AKR1C3: variants seen among roughly 807,000 people sequenced by gnomAD.
AKR1C3 encodes the protein 3-alpha hydroxysteroid dehydrogenase, type II.
In AKR1C3, 48 loss-of-function variants were observed where a neutral mutation model predicts 43.6. That is an observed-to-expected ratio of 1.10 (90% confidence interval 0.87 to 1.40). The LOEUF (loss-of-function observed/expected upper bound fraction) is 1.40, where lower values mean the gene tolerates loss of function less well. Among genes scored for constraint, AKR1C3 ranks in the 40% most tolerant of loss-of-function variants. The probability of loss-of-function intolerance (pLI) is 0.00; values close to 1 mark genes in which losing one functional copy is unlikely to be tolerated. For missense variants in AKR1C3, 482 were observed against 391.2 expected (o/e 1.23, Z -1.96); for synonymous variants, 162 against 139.6 (o/e 1.16, Z -1.13).
chr10:5,091,193 G>A (rs534327137), upstream of AKR1C3, among the ~76,000 whole-genome samples: 10 of 151,900 alleles, frequency 6.6e-5, 1 homozygote, highest in African/African-American at 2.4e-4. Flanking sequence ...CTCTTAGGGA[G>A]AACTTAGCAG....
At chr10:5,064,627 T>C (rs1838457177) in intron 1 of AKR1C3, among the ~76,000 whole-genome samples, 1 of 152,130 alleles carries the variant, frequency 6.6e-6, no homozygotes, top group South Asian at 2.1e-4. Flanking sequence ...CCACACACTA[T>C]GCATCTGATG....
At chr10:5,083,926 T>G (rs1469084024) in intron 1 of AKR1C3, among the ~76,000 whole-genome samples, 1 of 152,190 alleles carries the variant, frequency 6.6e-6, no homozygotes, top group African/African-American at 2.4e-5. Flanking sequence ...GATGGGGTTG[T>G]TTGTTTTTTC....
At chr10:5,061,237 CT>C (rs1554780207) in intron 1 of AKR1C3, among the ~76,000 whole-genome samples, 1 of 152,108 alleles carries the variant, frequency 6.6e-6, no homozygotes, top group African/African-American at 2.4e-5. Context: ...TTTTGCAGAC[CT>C]TTTTGAGGTG....
intron 1 of AKR1C3, among the ~76,000 whole-genome samples, chr10:5,059,854 ATGG>A (rs782040389): frequency 2.5e-4 from 38 of 152,160 alleles, no homozygotes; most frequent in Non-Finnish European, 5.0e-4. Flanking sequence ...GTGTCCAGAA[ATGG>A]TGGGTTCTTG....
chr10:5,070,083 C>T (rs74112000), intron 1 of AKR1C3, among the ~76,000 whole-genome samples: 4,980 of 152,270 alleles, frequency 0.033, 280 homozygotes, highest in African/African-American at 0.11. Context: ...TGGTTGGTGA[C>T]GGTTAGGTGC....
At chr10:5,101,306 G>C (rs1044493816) in intron 5 of AKR1C3, among the ~76,000 whole-genome samples, 23 of 151,950 alleles carry the variant, frequency 1.5e-4, no homozygotes, top group African/African-American at 5.3e-4. Flanking sequence ...TAATACTTTT[G>C]TATTTAATGG....
intron 1 of AKR1C3, among the ~76,000 whole-genome samples, chr10:5,073,986 T>C (rs1435729155): frequency 6.6e-6 from 1 of 152,050 alleles, no homozygotes; most frequent in African/African-American, 2.4e-5. Context: ...CCCATTCTAT[T>C]CAAAGTCACC....
rs587621950 is a variant in AKR1C3 at position 5,103,595 on chromosome 10, TTGTC to T, written c.846+948_846+951del. Among the ~76,000 whole-genome samples the T allele has an allele frequency of 6.6e-5, 10 of 152,286 alleles. No individual in the cohort carries two copies. The East Asian group carries it at 1.5e-3, about 24-fold the overall frequency. On this transcript the variant is annotated intron_variant, in intron 7 of 8. Coordinates refer to ENST00000380554, the MANE Select transcript of AKR1C3 (RefSeq NM_003739.6). ...CTGCTTCAAGATGTCAATGGGACAT[TTGTC>T]TGGGTGCCATTTTCTCCTCCATATA...
At chr10:5,051,367 G>A (rs1441980020) in intron 1 of AKR1C3, among the ~76,000 whole-genome samples, 1 of 152,198 alleles carries the variant, frequency 6.6e-6, no homozygotes, top group Non-Finnish European at 1.5e-5. Flanking sequence ...AAAGTGCTGG[G>A]ATTACAGGCA....
intron 1 of AKR1C3, among the ~76,000 whole-genome samples, chr10:5,051,085 GTGTTT>G (rs1564350358): frequency 2.0e-5 from 3 of 152,094 alleles, no homozygotes; most frequent in African/African-American, 4.8e-5. Context: ...GACTGTGTGT[GTGTTT>G]TGTTTTGTTG....
At chr10:5,102,453 C>T in intron 6 of AKR1C3, 32 bp from the exon 7 acceptor site, 1 of 1,429,148 alleles carries the variant, frequency 7.0e-7, no homozygotes, top group East Asian at 2.3e-5. Flanking sequence ...TCGCCAGCCT[C>T]AGGGCCTCAG....
chr10:5,054,592 ACT>A (rs1441043040), intron 1 of AKR1C3, among the ~76,000 whole-genome samples: 6 of 152,186 alleles, frequency 3.9e-5, no homozygotes, highest in African/African-American at 1.4e-4. Flanking sequence ...AATGGGATAC[ACT>A]GTTTTTTTCT....
Position 5,087,376 on chromosome 10 carries a change from C to CTTTTTT in AKR1C3, c.85-9031_85-9030insTTTTTT, listed in dbSNP as rs1564364889. ...AGTTTTAATGTCACCTTTATCATTT[C>CTTTTTT]TTTCTTTTTTTTTTTTTTTTGAGGC... On this transcript the variant is annotated intron_variant, in intron 1 of 8. Coordinates refer to the AKR1C3 transcript ENST00000439082. Among the ~76,000 whole-genome samples the CTTTTTT allele has an allele frequency of 6.6e-5, 3 of 45,366 alleles. 1 individual carries two copies. The highest frequency in any genetic ancestry group is 2.5e-4 in the Admixed American group (1 of 3,990). The allele number at this position is 45,366 out of a possible 152,430, so 29.8% of individuals were successfully genotyped here.
intron 5 of AKR1C3, among the ~76,000 whole-genome samples, chr10:5,101,325 T>C (rs1554785936): frequency 6.7e-6 from 1 of 149,496 alleles, no homozygotes; most frequent in African/African-American, 2.6e-5. Context: ...GGTTATTTAT[T>C]ATTGTATTTA....
rs199897488 is a variant in AKR1C3 at position 5,094,560 on chromosome 10, C to G, written c.84+32C>G. 52 of 1,609,112 alleles carry G rather than the reference C, an allele frequency of 3.2e-5. No homozygotes were observed. In the African/African-American group the frequency reaches 6.4e-4, roughly 20 times the overall value. The stretch of plus-strand genomic sequence containing the variant: ...ATAATTCCTTTTAGTTTTCGGATTT[C>G]AAAAGAATAAACCTAGTAGAAGTGA... On this transcript the variant is annotated intron_variant, in intron 1 of 8. Coordinates refer to ENST00000380554, the MANE Select transcript of AKR1C3 (RefSeq NM_003739.6).
rs1554787506 is a variant in AKR1C3 at position 5,107,443 on chromosome 10, A to T, written c.930-18A>T. The stretch of plus-strand genomic sequence containing the variant: ...AATGGAGTCATTGCATTTATATTAT[A>T]CATTATTCTCTTTTCAGTTTTGCTA... On this transcript the variant is annotated intron_variant, in intron 8 of 8. Transcript: ENST00000380554. 2 of 1,504,808 alleles carry T rather than the reference A, an allele frequency of 1.3e-6. No individual in the cohort carries two copies. The highest frequency in any genetic ancestry group is 2.8e-5 in the African/African-American group (2 of 72,440). The allele number at this position is 1,504,808 out of a possible 1,614,324, so 93.2% of individuals were successfully genotyped here.
Position 5,098,613 on chromosome 10 carries a change from T to C in AKR1C3, c.370-189T>C, listed in dbSNP as rs34376012. ...CCATGCATATAATATTTGTAAGAGA[T>C]TAGAGGAAGCCTGTCTCCTGAATAC... On this transcript the variant is annotated intron_variant, in intron 3 of 8. Transcript: ENST00000380554. 8.4e-3 allele frequency among the ~76,000 whole-genome samples: 1,277 copies of C among 152,334 alleles called. 18 individuals carry two copies. The highest frequency in any genetic ancestry group is 0.029 in the African/African-American group (1,193 of 41,568).
At chr10:5,065,178 T>C (rs1390897927) in intron 1 of AKR1C3, among the ~76,000 whole-genome samples, 1 of 152,170 alleles carries the variant, frequency 6.6e-6, no homozygotes, top group Admixed American at 6.5e-5. Flanking sequence ...AGTTCAACCA[T>C]TGTAGAAAGC....
At chr10:5,059,427 C>A (rs537079826) in intron 1 of AKR1C3, among the ~76,000 whole-genome samples, 1 of 152,306 alleles carries the variant, frequency 6.6e-6, no homozygotes, top group African/African-American at 2.4e-5. Context: ...GAGTTCCACT[C>A]ATGGCTGCAG....
Sources: gnomAD v4.1 joint callset for allele counts (sites outside exome capture counted in the v4.1 genomes callset) on GRCh38, gnomAD v4.1.1 for gene constraint, MANE v1.5 for transcripts, NCBI Gene and HGNC (gene_info 2026-07-23, HGNC 2026-07-21) for gene names.